The following ATXN2 variants were observed in gnomAD, a reference collection of about 807,000 sequenced individuals.
ATXN2 encodes the protein ataxin-2.
In ATXN2, 37 loss-of-function variants were observed where a neutral mutation model predicts 138.6. That is an observed-to-expected ratio of 0.27 (90% CI 0.21 to 0.35). ATXN2 has a LOEUF of 0.35. Among genes scored for constraint, ATXN2 ranks in the 10% least tolerant of loss-of-function variants. ATXN2 has a pLI of 1.00. For missense variants in ATXN2, 1,216 were observed against 1,480.3 expected, an observed-to-expected ratio of 0.82 and a Z score of 2.93; for synonymous variants, 549 against 543.7, an observed-to-expected ratio of 1.01 and a Z score of -0.13.
At chr12:111,554,051 T>G in intron 3 of ATXN2, 107 bp downstream of exon 3, 5 of 741,656 alleles carry the variant, frequency 6.7e-6, no homozygotes, top group Non-Finnish European at 8.6e-6. Context: ...TGACTAAACA[T>G]GATCTAAGCA....
At chr12:111,496,466 G>A (rs1040245770) in intron 14 of ATXN2, among the ~76,000 whole-genome samples, 1 of 152,072 alleles carries the variant, frequency 6.6e-6, no homozygotes, top group Admixed American at 6.6e-5. Flanking sequence ...AACTGGGGAG[G>A]CAGAGGTTGC....
At chr12:111,456,491 A>G (rs1875112816) in intron 22 of ATXN2, among the ~76,000 whole-genome samples, 1 of 152,218 alleles carries the variant, frequency 6.6e-6, no homozygotes, top group Non-Finnish European at 1.5e-5. Flanking sequence ...CTGAGCATAC[A>G]TACTAAAGTC....
chr12:111,509,964 G>T lies in ATXN2; in HGVS notation c.1791C>A (p.Asn597Lys). The T allele has an allele frequency of 6.2e-7, 1 of 1,611,780 alleles. No individual in the cohort carries two copies. The highest frequency in any genetic ancestry group is 8.5e-7 in the Non-Finnish European group (1 of 1,179,094). Residue 597 changes from asparagine to lysine, a missense_variant, in exon 13 of 25, where the codon AAC (asparagine) becomes AAA (lysine). Physicochemically the swap from Asn to Lys is moderately conservative, Grantham distance 94. Around this residue, in one of 4 missense-constraint regions of ATXN2, gnomAD observed 215 missense variants for 210.0 expected, o/e 1.02. Transcript: ENST00000673436. Reference protein sequence around the residue: ...KDSRLQDQRQNSPAGNKENIK... With the variant: ...KDSRLQDQRQKSPAGNKENIK... ...TATTTTCTTTATTCCCTGCAGGAGA[G>T]TTCTGCCTCTGATCTTGAAGCCTGG...
chr12:111,551,671 C>T (rs1185493069), intron 5 of ATXN2, among the ~76,000 whole-genome samples: 3 of 152,104 alleles, frequency 2.0e-5, no homozygotes, highest in African/African-American at 7.2e-5. Context: ...CCAAATGGGA[C>T]AAGAAATTTT....
At chr12:111,526,132 T>C (rs863691) in intron 5 of ATXN2, among the ~76,000 whole-genome samples, 56,691 of 151,448 alleles carry the variant, frequency 0.37, 14,712 homozygotes, top group East Asian at 0.9. Flanking sequence ...CCCAGGCAGG[T>C]GGATCATGAG....
chr12:111,567,702 T>C (rs1358291148), intron 1 of ATXN2, among the ~76,000 whole-genome samples: 1 of 151,158 alleles, frequency 6.6e-6, no homozygotes, highest in East Asian at 2.0e-4. Flanking sequence ...TGGCCCCAGC[T>C]ACTCATGAGG....
In ATXN2 at chr12:111,519,903, C is replaced by A; in HGVS notation, c.962G>T (p.Arg321Leu). ...CCTAGTGTTTATGCTGTGCCCCTCA[C>A]GTTCACTGGAATTTCTCTGAACTGC... ...YTAVQRNSSEREGHSINTREN... is the reference protein window; with the variant it reads ...YTAVQRNSSELEGHSINTREN... The change falls in exon 8 of 25, where the codon CGT becomes CTT. Residue 321 changes from arginine (R) to leucine (L), a missense_variant. Physicochemically the swap from Arg to Leu is moderately radical, Grantham distance 102. Coordinates refer to ENST00000673436, the MANE Select transcript of ATXN2 (RefSeq NM_001372574.1). 1.2e-6 allele frequency: 2 copies of A among 1,614,162 alleles called. No individual in the cohort carries two copies.
intron 5 of ATXN2, among the ~76,000 whole-genome samples, chr12:111,537,523 C>T (rs763029096): frequency 2.9e-4 from 43 of 149,672 alleles, no homozygotes; most frequent in Non-Finnish European, 5.4e-4. Context: ...GCAGAGGATG[C>T]AGTGAGCTGC....
intron 21 of ATXN2, chr12:111,458,528 T>C (rs983596899): frequency 6.6e-6 from 1 of 152,188 alleles, no homozygotes; most frequent in Non-Finnish European, 1.5e-5. Context: ...GATAAAAAAC[T>C]AACCTCCACG....
intron 6 of ATXN2, among the ~76,000 whole-genome samples, chr12:111,522,639 G>A (rs1242506583): frequency 1.3e-5 from 2 of 150,192 alleles, no homozygotes; most frequent in African/African-American, 4.9e-5. Context: ...TCAGCCGGGC[G>A]CAGTGGCTCA....
Position 111,553,616 on chromosome 12 carries a change from G to C in ATXN2, c.348+542C>G, listed in dbSNP as rs1191227884. Among the ~76,000 whole-genome samples, 29 of 31,340 alleles carry C rather than the reference G, an allele frequency of 9.3e-4. 1 individual carries two copies. The African/African-American group carries it at 0.014, about 15-fold the overall frequency. The allele number at this position is 31,340 out of a possible 152,430, so 20.6% of individuals were successfully genotyped here. A position where few individuals can be genotyped will look rare whatever the true frequency, so the allele number is the denominator to read the frequency against. On this transcript the variant is annotated intron_variant, in intron 3 of 24. Coordinates refer to ENST00000673436, the MANE Select transcript of ATXN2 (RefSeq NM_001372574.1). ...AAAAAAAAAAAAAATTTTTTTTTTTGAGAAGGGGTCTGTCTGGCACTGTTG... is the reference window on the plus strand; with the variant it reads ...AAAAAAAAAAAAAATTTTTTTTTTTCAGAAGGGGTCTGTCTGGCACTGTTG...
intron 20 of ATXN2, among the ~76,000 whole-genome samples, chr12:111,465,575 G>A (rs796307224): frequency 1.3e-4 from 20 of 151,394 alleles, no homozygotes; most frequent in African/African-American, 4.6e-4. Context: ...TTCGAGATCA[G>A]CCTGGCCAAG....
intron 1 of ATXN2, among the ~76,000 whole-genome samples, chr12:111,559,395 G>A (rs765216800): frequency 5.3e-5 from 8 of 151,130 alleles, no homozygotes; most frequent in East Asian, 2.0e-4. Flanking sequence ...TACCACGCCC[G>A]GCCAAAGATG....
At chr12:111,531,975 TG>T (rs1189384432) in intron 5 of ATXN2, among the ~76,000 whole-genome samples, 1 of 152,258 alleles carries the variant, frequency 6.6e-6, no homozygotes, top group East Asian at 1.9e-4. Flanking sequence ...GTAACATACA[TG>T]TTCTTAATTA....
intron 5 of ATXN2, among the ~76,000 whole-genome samples, chr12:111,549,899 T>C (rs1482780328): frequency 1.3e-5 from 2 of 151,490 alleles, no homozygotes; most frequent in Middle Eastern, 3.2e-3. Context: ...CCGTCTCTAC[T>C]AAAAATACAA....
intron 10 of ATXN2, among the ~76,000 whole-genome samples, chr12:111,515,821 A>T (rs1879823087): frequency 6.6e-6 from 1 of 152,234 alleles, no homozygotes; most frequent in African/African-American, 2.4e-5. Flanking sequence ...AGACTGGCTG[A>T]AGAAAGTTCA....
intron 5 of ATXN2, among the ~76,000 whole-genome samples, chr12:111,537,231 G>T (rs1881238164): frequency 6.6e-6 from 1 of 152,138 alleles, no homozygotes; most frequent in Non-Finnish European, 1.5e-5. Context: ...CCATGAAAAA[G>T]AAAGAAGTAC....
intron 14 of ATXN2, among the ~76,000 whole-genome samples, chr12:111,499,826 C>A (rs1359635718): frequency 1.3e-5 from 2 of 152,100 alleles, no homozygotes; most frequent in Non-Finnish European, 1.5e-5. Context: ...AAGACCTCAT[C>A]GTTATTTATG....
intron 5 of ATXN2, among the ~76,000 whole-genome samples, chr12:111,533,047 G>T (rs1880932153): frequency 6.6e-6 from 1 of 152,134 alleles, no homozygotes; most frequent in Non-Finnish European, 1.5e-5. Context: ...GAATAGAAGT[G>T]TAAAGTTTAT....
Sources: allele counts gnomAD v4.1 joint callset (sites outside exome capture counted in the v4.1 genomes callset), GRCh38; gene constraint gnomAD v4.1.1; regional missense constraint gnomAD v4.1.1; transcripts MANE v1.5; gene names NCBI Gene and HGNC (gene_info 2026-07-23, HGNC 2026-07-21).